THSD7A: variants seen among roughly 807,000 people sequenced by gnomAD.
THSD7A encodes the protein thrombospondin type-1 domain-containing protein 7A.
In THSD7A, 96 loss-of-function variants were observed where a neutral mutation model predicts 231.3. The ratio of observed to expected loss-of-function variants is 0.41; its 90% CI spans 0.35 to 0.49. THSD7A has a LOEUF of 0.49. Ranked by LOEUF, THSD7A falls within the 20% of genes least tolerant of loss-of-function variation. The probability of loss-of-function intolerance (pLI) is 0.05; values close to 1 mark genes in which losing one functional copy is unlikely to be tolerated. For synonymous variants in THSD7A, 940 were observed against 743.3 expected (o/e 1.26, Z -4.30); for missense variants, 2,290 against 2,070.2 (o/e 1.11, Z -2.06).
chr7:11,660,721 G>A (rs1486863052), intron 1 of THSD7A, among the ~76,000 whole-genome samples: 1 of 151,362 alleles, frequency 6.6e-6, no homozygotes, highest in Non-Finnish European at 1.5e-5. Flanking sequence ...GATTAAGTAG[G>A]TAAATATAAA....
intron 1 of THSD7A, among the ~76,000 whole-genome samples, chr7:11,742,245 TTTGA>T (rs1171598232): frequency 1.2e-4 from 19 of 152,082 alleles, no homozygotes; most frequent in Admixed American, 1.1e-3. Flanking sequence ...TTCAACAGTC[TTTGA>T]TTGTGACAAT....
At chr7:11,722,368 T>A (rs1487164697) in intron 1 of THSD7A, among the ~76,000 whole-genome samples, 2 of 151,838 alleles carry the variant, frequency 1.3e-5, no homozygotes, top group Non-Finnish European at 2.9e-5. Flanking sequence ...TGTCACACGA[T>A]TTGTTACTTT....
intron 24 of THSD7A, among the ~76,000 whole-genome samples, chr7:11,380,164 T>C (rs1782455276): frequency 6.6e-6 from 1 of 152,196 alleles, no homozygotes; most frequent in Non-Finnish European, 1.5e-5. Flanking sequence ...CTTTAAATAA[T>C]GCATATTTCT....
intron 1 of THSD7A, among the ~76,000 whole-genome samples, chr7:11,762,751 T>C (rs114341949): frequency 1.3e-3 from 193 of 152,226 alleles, no homozygotes; most frequent in African/African-American, 4.2e-3. Flanking sequence ...TTAAGTCCCA[T>C]ATGAAGGTGA....
intron 1 of THSD7A, among the ~76,000 whole-genome samples, chr7:11,804,720 T>C (rs1784357025): frequency 6.6e-6 from 1 of 152,194 alleles, no homozygotes; most frequent in Non-Finnish European, 1.5e-5. Flanking sequence ...AAACCAGGCT[T>C]ATGCCACCTT....
chr7:11,445,498 TTTTG>T (rs1443394539), intron 13 of THSD7A, among the ~76,000 whole-genome samples: 4 of 145,990 alleles, frequency 2.7e-5, no homozygotes, highest in African/African-American at 2.6e-5. Flanking sequence ...ACATTTTTCT[TTTTG>T]TTTGTTCGTT....
At chr7:11,546,451 G>A (rs1789404805) in intron 4 of THSD7A, among the ~76,000 whole-genome samples, 1 of 152,160 alleles carries the variant, frequency 6.6e-6, no homozygotes, top group Non-Finnish European at 1.5e-5. Context: ...CCAGTGTACT[G>A]AGCTGAGCCT....
chr7:11,529,434 G>A (rs59609056), intron 6 of THSD7A, among the ~76,000 whole-genome samples: 13 of 151,930 alleles, frequency 8.6e-5, no homozygotes, highest in Admixed American at 3.9e-4. Context: ...CGTGTGTCCC[G>A]ACCCAAATCT....
chr7:11,513,217 T>C (rs1352294989), intron 6 of THSD7A, among the ~76,000 whole-genome samples: 1 of 151,666 alleles, frequency 6.6e-6, no homozygotes, highest in African/African-American at 2.4e-5. Flanking sequence ...CATATACTGC[T>C]CGGGTGATGG....
intron 6 of THSD7A, among the ~76,000 whole-genome samples, chr7:11,514,131 C>A (rs1489991787): frequency 6.6e-6 from 1 of 152,036 alleles, no homozygotes; most frequent in Non-Finnish European, 1.5e-5. Context: ...CTTAAATATT[C>A]CACCTCCGAG....
Position 11,406,367 on chromosome 7 carries a change from G to C in THSD7A, c.4170C>G (p.Asp1390Glu), listed in dbSNP as rs1250483050. 6.2e-7 allele frequency: 1 copy of C among 1,613,832 alleles called. No homozygotes were observed. Among genetic ancestry groups the C allele is most frequent in the African/African-American group, 1.3e-5 (1 of 74,916 alleles). Residue 1390 changes from aspartate (D) to glutamate (E), a missense_variant, in exon 22 of 28, where the codon GAC becomes GAG. Asp to Glu is a conservative substitution (Grantham distance 45). Coordinates refer to ENST00000423059, the MANE Select transcript of THSD7A (RefSeq NM_015204.3). The surrounding 1 kb of genome is among the most constrained non-coding windows in gnomAD (Gnocchi z 4.7). ...TATTACCATCTATAATGAGTTCAAT[G>C]TCAGCACAGAATTCCTCATCCACCA... ...SKVVDEEFCA[D>E]IELIIDGNKN...
At chr7:11,618,727 G>A (rs1781202225) in intron 2 of THSD7A, among the ~76,000 whole-genome samples, 1 of 151,790 alleles carries the variant, frequency 6.6e-6, no homozygotes, top group Admixed American at 6.6e-5. Flanking sequence ...GGCGGAGCTT[G>A]CAGTGAGCAG....
At chr7:11,588,110 TTC>T (rs1779992185) in intron 4 of THSD7A, among the ~76,000 whole-genome samples, 1 of 152,134 alleles carries the variant, frequency 6.6e-6, no homozygotes, top group African/African-American at 2.4e-5. Context: ...TTTGAGGGAT[TTC>T]TCTCTTTTAT....
chr7:11,676,497 A>G (rs1783642963), intron 1 of THSD7A, among the ~76,000 whole-genome samples: 1 of 152,132 alleles, frequency 6.6e-6, no homozygotes, highest in South Asian at 2.1e-4. Flanking sequence ...TCTAACCCCA[A>G]TGCAAGGAGG....
At chr7:11,820,367 C>A in intron 1 of THSD7A, 1 of 1,209,414 alleles carries the variant, frequency 8.3e-7, no homozygotes. Context: ...TTCTCTGTCC[C>A]ACTCTTGTCG....
intron 10 of THSD7A, 133 bp downstream of exon 10, chr7:11,461,878 C>T (rs895571875): frequency 6.1e-6 from 7 of 1,147,900 alleles, no homozygotes; most frequent in South Asian, 3.4e-5. Context: ...ATGGCAGCTA[C>T]AGCCATAAAC....
chr7:11,490,205 C>T (rs1038612198), intron 6 of THSD7A, among the ~76,000 whole-genome samples: 1 of 152,038 alleles, frequency 6.6e-6, no homozygotes, highest in Non-Finnish European at 1.5e-5. Flanking sequence ...TCAATAATAT[C>T]ACATTTGACT....
In THSD7A at chr7:11,636,825, C is replaced by T; in HGVS notation, c.327G>A (p.Gln109=). Residue 109 remains glutamine (Q), a synonymous_variant, in exon 2 of 28, where the codon CAG becomes CAA. Transcript: ENST00000423059. This position sits in a 1 kb window ranked among gnomAD's most constrained non-coding sequence, Gnocchi z 10.0. ...CKQAERPNNQ[Q]NCFKVCDWHK... ...GCCAATCGCAAACTTTGAAACAATT[C>T]TGCTGGTTATTGGGTCTCTCGGCCT... 6.2e-7 allele frequency: 1 copy of T among 1,613,940 alleles called. No homozygotes were observed. The highest frequency in any genetic ancestry group is 8.5e-7 in the Non-Finnish European group (1 of 1,179,896).
intron 6 of THSD7A, among the ~76,000 whole-genome samples, chr7:11,519,715 A>G (rs1009652340): frequency 6.6e-6 from 1 of 152,214 alleles, no homozygotes; most frequent in East Asian, 1.9e-4. Context: ...ACATTCGATT[A>G]TCCTGCACTT....
Sources: gnomAD v4.1 joint callset for allele counts (sites outside exome capture counted in the v4.1 genomes callset) on GRCh38, gnomAD v4.1.1 for gene constraint, Gnocchi (gnomAD v3.1) non-coding constraint, MANE v1.5 for transcripts, NCBI Gene and HGNC (gene_info 2026-07-23, HGNC 2026-07-21) for gene names.